NBPF26: variants seen among roughly 807,000 people sequenced by gnomAD.
NBPF26 encodes NBPF family member NBPF26.
Under a neutral mutation model 119.6 loss-of-function variants are expected in NBPF26, and 79 were observed. The observed-to-expected ratio is 0.66, with a 90% CI of 0.55 to 0.80. The LOEUF is 0.80. Ranked by LOEUF, NBPF26 falls within the 30% of genes least tolerant of loss-of-function variation. The probability of loss-of-function intolerance (pLI) is 0.00; values close to 1 mark genes in which losing one functional copy is unlikely to be tolerated. For synonymous variants in NBPF26, 299 were observed against 457.7 expected, an observed-to-expected ratio of 0.65 and a Z score of 4.43; for missense variants, 800 against 1,198.2, an observed-to-expected ratio of 0.67 and a Z score of 4.91.
intron 5 of NBPF26, among the ~76,000 whole-genome samples, chr1:120,807,092 T>C (rs1651712577): frequency 7.6e-6 from 1 of 131,028 alleles, no homozygotes; most frequent in Non-Finnish European, 1.6e-5. Flanking sequence ...GTCTCACACT[T>C]TATGCTTCAG....
At chr1:120,840,534 A>T in exon 30 of NBPF26, 1 of 1,470,064 alleles carries the variant, frequency 6.8e-7, no homozygotes, top group South Asian at 1.2e-5. Flanking sequence ...TAGGTTTTTT[A>T]CTTTGACGGT....
chr1:120,750,716 G>T (rs1230504371), intron 1 of NBPF26, among the ~76,000 whole-genome samples: 2 of 112,922 alleles, frequency 1.8e-5, no homozygotes, highest in Non-Finnish European at 3.3e-5. Context: ...TTCCGTGGAG[G>T]TGGGTGGGCA....
chr1:120,770,110 G>C (rs1196131944), intron 2 of NBPF26, among the ~76,000 whole-genome samples: 5 of 107,536 alleles, frequency 4.6e-5, no homozygotes, highest in Non-Finnish European at 7.7e-5. Context: ...GCCTGCACTG[G>C]TGAGTGGAGT....
At chr1:120,838,471 G>T (rs1553273171) in intron 27 of NBPF26, among the ~76,000 whole-genome samples, 583 of 54,206 alleles carry the variant, frequency 0.011, 18 homozygotes, top group African/African-American at 0.038. Flanking sequence ...TGTGTCACCT[G>T]GACAATTCAC....
chr1:120,778,433 C>T (rs1423137015), intron 2 of NBPF26, among the ~76,000 whole-genome samples: 3 of 111,796 alleles, frequency 2.7e-5, no homozygotes, highest in South Asian at 2.5e-4. Context: ...TCAGTGCCGA[C>T]GCAACCCACA....
At chr1:120,761,231 C>T (rs1651133805) in intron 1 of NBPF26, among the ~76,000 whole-genome samples, 1 of 121,452 alleles carries the variant, frequency 8.2e-6, no homozygotes, top group Non-Finnish European at 1.7e-5. Context: ...TAGGAACAGG[C>T]CGTGATTTTT....
At chr1:120,810,674 C>G (rs1651839515) in intron 9 of NBPF26, 116 bp downstream of exon 9, 4 of 1,260,628 alleles carry the variant, frequency 3.2e-6, no homozygotes, top group Admixed American at 4.0e-5. Flanking sequence ...TGGGATGGAG[C>G]TAGGTGCTGT....
intron 1 of NBPF26, 135 bp from the exon 2 acceptor site, chr1:120,763,493 A>T (rs1384487535): frequency 2.2e-6 from 1 of 452,540 alleles, no homozygotes; most frequent in Non-Finnish European, 3.9e-6. Flanking sequence ...AGAACATAAA[A>T]AACTGATTAA....
In NBPF26 at chr1:120,785,245, G is replaced by A. The variant is rs1426338375; in HGVS notation, c.415+12G>A. ...AGTCGGGTTTACAGGTAACTAATGA[G>A]ACCAAAGCCAGTGCTTCCCTACCTT... On this transcript the variant is annotated intron_variant, in intron 3 of 29. Coordinates refer to ENST00000620612, the Ensembl canonical transcript of NBPF26. 1 of 1,443,994 alleles carries A rather than the reference G, an allele frequency of 6.9e-7. No individual in the cohort carries two copies. Among genetic ancestry groups the A allele is most frequent in the Non-Finnish European group, 9.3e-7 (1 of 1,080,684 alleles). The allele number at this position is 1,443,994 out of a possible 1,614,324, so 89.4% of individuals were successfully genotyped here. A position where few individuals can be genotyped will look rare whatever the true frequency, so the allele number is the denominator to read the frequency against.
chr1:120,802,712 T>C lies in NBPF26; in HGVS notation c.752-2844T>C, dbSNP rs1553269124. Reference sequence around the variant, plus strand: ...CAGTCATAGGTAAGTAAGGAAGTCTTATAAACCTATTCTAGCCACCTAACT... The same window carrying C: ...CAGTCATAGGTAAGTAAGGAAGTCTCATAAACCTATTCTAGCCACCTAACT... On this transcript the variant is annotated intron_variant, in intron 4 of 29. Coordinates refer to ENST00000620612, the Ensembl canonical transcript of NBPF26. Among the ~76,000 whole-genome samples, 4 of 119,300 alleles carry C rather than the reference T, an allele frequency of 3.4e-5. 1 individual carries two copies. The highest frequency in any genetic ancestry group is 4.8e-4 in the South Asian group (2 of 4,124). The allele number at this position is 119,300 out of a possible 152,430, so 78.3% of individuals were successfully genotyped here. A position where few individuals can be genotyped will look rare whatever the true frequency, so the allele number is the denominator to read the frequency against.
intron 1 of NBPF26, among the ~76,000 whole-genome samples, chr1:120,737,740 G>A (rs1434821388): frequency 8.0e-6 from 1 of 125,558 alleles, no homozygotes; most frequent in Non-Finnish European, 1.6e-5. Flanking sequence ...TAGTGATTCA[G>A]AATTGGATTA....
Position 120,793,286 on chromosome 1 carries a change from A to T in NBPF26, c.541A>T (p.Thr181Ser). 4 of 1,391,966 alleles carry T rather than the reference A, an allele frequency of 2.9e-6. 1 individual carries two copies. The highest frequency in any genetic ancestry group is 1.9e-6 in the Non-Finnish European group (2 of 1,035,322). The allele number at this position is 1,391,966 out of a possible 1,614,324, so 86.2% of individuals were successfully genotyped here. Reference sequence around the variant, plus strand: ...AGGCTTCACAGGGCAGAAGTGTGAGACTGATGTCAATGAGTGTGACATTCC... The same window carrying T: ...AGGCTTCACAGGGCAGAAGTGTGAGTCTGATGTCAATGAGTGTGACATTCC... Residue 181 changes from threonine to serine, a missense_variant, in exon 4 of 30, where the codon ACT becomes TCT. By Grantham distance (58) the Thr-to-Ser change is moderately conservative (BLOSUM62 1). Around this residue, in one of 13 missense-constraint regions of NBPF26, gnomAD observed 209 missense variants for 285.2 expected, o/e 0.73. Coordinates refer to ENST00000620612, the Ensembl canonical transcript of NBPF26.
At position 120,756,493 on chromosome 1, in the gene NBPF26, A is replaced by T. The variant is rs1196247904; in HGVS notation, c.74-7135A>T. Among the ~76,000 whole-genome samples the T allele has an allele frequency of 1.2e-3, 138 of 117,570 alleles. 51 individuals carry two copies. Among genetic ancestry groups the T allele is most frequent in the African/African-American group, 6.4e-3 (128 of 20,132 alleles). The allele number at this position is 117,570 out of a possible 152,430, so 77.1% of individuals were successfully genotyped here. On this transcript the variant is annotated intron_variant, in intron 1 of 29. Transcript: ENST00000620612. Reference sequence around the variant, plus strand: ...TCTAAGCACAGATACCACACTGCAGATAGGGAGAAGGATATGAAAAAAATC... The same window carrying T: ...TCTAAGCACAGATACCACACTGCAGTTAGGGAGAAGGATATGAAAAAAATC...
chr1:120,810,571 T>A lies in NBPF26; in HGVS notation c.1564+13T>A, dbSNP rs1651837084. 1.3e-5 allele frequency: 19 copies of A among 1,443,754 alleles called. 2 individuals carry two copies. The South Asian group carries it at 2.1e-4, about 16-fold the overall frequency. The allele number at this position is 1,443,754 out of a possible 1,614,324, so 89.4% of individuals were successfully genotyped here. ...AACATTCTCCCAGGTAGCCTCTATT[T>A]TCCTTGTGTCTCATACCTCTGTCTA... On this transcript the variant is annotated intron_variant, in intron 9 of 29. Coordinates refer to ENST00000620612, the Ensembl canonical transcript of NBPF26.
intron 8 of NBPF26, among the ~76,000 whole-genome samples, chr1:120,810,132 C>G (rs1359985159): frequency 1.6e-5 from 2 of 124,170 alleles, no homozygotes; most frequent in Admixed American, 7.6e-5. Flanking sequence ...GTCCAGTGCA[C>G]TGAACACCAG....
At chr1:120,815,557 G>T (rs1651990313) in intron 12 of NBPF26, among the ~76,000 whole-genome samples, 2 of 97,980 alleles carry the variant, frequency 2.0e-5, no homozygotes, top group South Asian at 5.9e-4. Flanking sequence ...TGATGTTGGA[G>T]AAGGCACTTT....
rs1553271026 is a variant in NBPF26 at position 120,811,914 on chromosome 1, C to T, written c.1593C>T (p.Asn531=). Reference sequence around the variant, plus strand: ...CTGGCCCCACCTCTTCTGCCACAAACGTCAGCATGGTGGTATCAGCCGGCC... The same window carrying T: ...CTGGCCCCACCTCTTCTGCCACAAATGTCAGCATGGTGGTATCAGCCGGCC... Residue 531 remains asparagine, a synonymous_variant, in exon 10 of 30, where the codon AAC becomes AAT. Transcript: ENST00000620612. The T allele has an allele frequency of 2.0e-5, 22 of 1,078,412 alleles. 4 individuals are homozygous for T. Among genetic ancestry groups the T allele is most frequent in the East Asian group, 4.8e-5 (2 of 41,706 alleles). The allele number at this position is 1,078,412 out of a possible 1,614,324, so 66.8% of individuals were successfully genotyped here.
At chr1:120,752,548 ATATATATTTTTT>A (rs1441745152) in intron 1 of NBPF26, among the ~76,000 whole-genome samples, 6 of 11,270 alleles carry the variant, frequency 5.3e-4, no homozygotes, top group African/African-American at 2.3e-3. Context: ...ATATATATAT[ATATATATTTTTT>A]TTTTTTTTTT....
At chr1:120,768,067 T>TA (rs1651213674) in intron 2 of NBPF26, among the ~76,000 whole-genome samples, 1 of 101,252 alleles carries the variant, frequency 9.9e-6, no homozygotes, top group East Asian at 2.4e-4. Flanking sequence ...TATCTCCCAC[T>TA]AAAGAATGTT....
Sources: allele counts gnomAD v4.1 joint callset (sites outside exome capture counted in the v4.1 genomes callset), GRCh38; gene constraint gnomAD v4.1.1; regional missense constraint gnomAD v4.1.1; transcripts MANE v1.5; gene names NCBI Gene and HGNC (gene_info 2026-07-23, HGNC 2026-07-21).